ALG9: variants seen among roughly 807,000 people sequenced by gnomAD.
ALG9 encodes the protein alpha-1,2-mannosyltransferase ALG9.
ALG9 carries 55 observed loss-of-function variants against 81.8 expected under a neutral mutation model. The ratio of observed to expected loss-of-function variants is 0.67; its 90% CI spans 0.54 to 0.84. The LOEUF (loss-of-function observed/expected upper bound fraction) is 0.84. Among genes scored for constraint, ALG9 ranks in the 40% least tolerant of loss-of-function variants. The pLI, the probability that ALG9 is intolerant of heterozygous loss-of-function variation, is 0.00. For synonymous variants in ALG9, 278 were observed against 274.3 expected (o/e 1.01, Z -0.13); for missense variants, 629 against 745.0 (o/e 0.84, Z 1.81).
chr11:111,870,344 A>ACTTGTCC lies in ALG9; in HGVS notation c.151_157dup (p.Val53GlyfsTer7). The ACTTGTCC allele has an allele frequency of 6.3e-7, 1 of 1,579,886 alleles. No homozygotes were observed. Among genetic ancestry groups the ACTTGTCC allele is most frequent in the South Asian group, 1.1e-5 (1 of 88,316 alleles). ...AGCAGTAGATCCTTCAGGTGCCCAGACTTGTCCTGCTTTGTTCCCAGATAA... is the reference window on the plus strand; with the variant it reads ...AGCAGTAGATCCTTCAGGTGCCCAGACTTGTCCCTTGTCCTGCTTTGTTCCCAGATAA... On this transcript the variant is annotated frameshift_variant, in exon 2 of 15. Coordinates refer to ENST00000616540, the MANE Select transcript of ALG9 (RefSeq NM_024740.2). LOFTEE classifies it high-confidence loss of function.
Position 111,786,273 on chromosome 11 carries a change from A to G in ALG9, c.*124T>C. The stretch of plus-strand genomic sequence containing the variant: ...AGACTTTGACTAGCCCAGAGCACCC[A>G]GATTCCAGTATTCATGTCAGAAGAC... On this transcript the variant is annotated 3_prime_UTR_variant, in exon 15 of 15. Transcript: ENST00000616540. 1 of 1,465,192 alleles carries G rather than the reference A, an allele frequency of 6.8e-7. No individual in the cohort carries two copies. Among genetic ancestry groups the G allele is most frequent in the Non-Finnish European group, 9.5e-7 (1 of 1,048,794 alleles). 90.8% of individuals were successfully genotyped at this position (1,465,192 alleles called of 1,614,324 possible).
intron 8 of ALG9, among the ~76,000 whole-genome samples, chr11:111,846,536 A>G (rs1956976280): frequency 6.6e-6 from 1 of 152,224 alleles, no homozygotes; most frequent in Admixed American, 6.5e-5. Context: ...CAAAAGTATT[A>G]AGCTGGTAAA....
chr11:111,768,533 G>A, the ALG9 span: 1 of 152,104 alleles, frequency 6.6e-6, no homozygotes, highest in African/African-American at 2.4e-5. Context: ...GCTGAGGTGG[G>A]AGGATCACTT....
intron 3 of ALG9, 57 bp from the exon 4 acceptor site, chr11:111,865,308 A>C: frequency 1.1e-5 from 15 of 1,327,272 alleles, no homozygotes; most frequent in African/African-American, 1.5e-5. Context: ...AGAAAAACTC[A>C]TAAACATGAA....
In ALG9 at chr11:111,803,110, T is replaced by C. The variant is rs540547687; in HGVS notation, c.1733+6533A>G. Among the ~76,000 whole-genome samples, 9 of 152,256 alleles carry C rather than the reference T, an allele frequency of 5.9e-5. No individual in the cohort carries two copies. In the East Asian group the frequency reaches 1.7e-3, roughly 29 times the overall value. Reference sequence around the variant, plus strand: ...ATCTATAGATTAAATAAAATCTCAATCAAAATCCCAGCAAGTTATTTTGTG... The same window carrying C: ...ATCTATAGATTAAATAAAATCTCAACCAAAATCCCAGCAAGTTATTTTGTG... On this transcript the variant is annotated intron_variant, in intron 14 of 14. Transcript: ENST00000616540.
At chr11:111,789,809 G>C (rs1175509329) in intron 14 of ALG9, among the ~76,000 whole-genome samples, 2 of 150,154 alleles carry the variant, frequency 1.3e-5, no homozygotes, top group African/African-American at 4.9e-5. Flanking sequence ...GACAGAGGGA[G>C]ACTCTGTCTC....
chr11:111,837,509 T>C lies in ALG9; in HGVS notation c.1431A>G (p.Lys477=), dbSNP rs782648996. The C allele has an allele frequency of 1.2e-6, 2 of 1,614,148 alleles. No individual in the cohort carries two copies. Among genetic ancestry groups the C allele is most frequent in the Admixed American group, 3.3e-5 (2 of 60,022 alleles). The change falls in exon 12 of 15, where the codon AAA becomes AAG. Residue 477 remains lysine, a synonymous_variant. Transcript: ENST00000616540. The part of the protein sequence containing the change: ...EGRPVNVCVG[K]EWYRFPSSFL... The stretch of plus-strand genomic sequence containing the variant: ...AGCTGCTGGGAAATCGATACCACTC[T>C]TTTCCCACACAGACATTCACAGGTC...
intron 13 of ALG9, among the ~76,000 whole-genome samples, chr11:111,833,702 A>G (rs1555114934): frequency 6.6e-6 from 1 of 152,234 alleles, no homozygotes; most frequent in African/African-American, 2.4e-5. Flanking sequence ...GGCTGGACAC[A>G]GCTGCTACCC....
At chr11:111,809,080 CA>C (rs1198345823) in intron 14 of ALG9, among the ~76,000 whole-genome samples, 4 of 152,280 alleles carry the variant, frequency 2.6e-5, no homozygotes, top group African/African-American at 7.2e-5. Context: ...AGTTGGTTGC[CA>C]AAAATAATCA....
At chr11:111,823,112 A>T (rs1217872065) in intron 13 of ALG9, among the ~76,000 whole-genome samples, 1 of 152,212 alleles carries the variant, frequency 6.6e-6, no homozygotes, top group Non-Finnish European at 1.5e-5. Flanking sequence ...TTTCATTTGC[A>T]TCAGGAAATG....
chr11:111,793,043 G>T (rs984826296), intron 14 of ALG9, among the ~76,000 whole-genome samples: 1 of 152,178 alleles, frequency 6.6e-6, no homozygotes, highest in Non-Finnish European at 1.5e-5. Context: ...GAGTGTAGTA[G>T]TGTGATCCCA....
At chr11:111,857,875 T>C (rs1333177513) in intron 5 of ALG9, 138 bp from the exon 6 acceptor site, 3 of 957,086 alleles carry the variant, frequency 3.1e-6, no homozygotes, top group South Asian at 1.4e-5. Flanking sequence ...AATGCTATAT[T>C]AGAAAGGACA....
In ALG9 at chr11:111,870,383, A is replaced by C. The variant is rs72994380; in HGVS notation, c.132-13T>G. 0.14 allele frequency: 57,806 copies of C among 405,516 alleles called. 695 individuals carry two copies. Among genetic ancestry groups the C allele is most frequent in the South Asian group, 0.18 (3,580 of 19,420 alleles). 25.1% of individuals were successfully genotyped at this position (405,516 alleles called of 1,614,324 possible). On this transcript the variant is annotated splice_polypyrimidine_tract_variant and intron_variant, in intron 1 of 14. Transcript: ENST00000616540. ...GTTCCCAGATAACCTGTTCAAAAGCAAAAAAAAAAAAAAAAAAAAAAGCAT... is the reference window on the plus strand; with the variant it reads ...GTTCCCAGATAACCTGTTCAAAAGCCAAAAAAAAAAAAAAAAAAAAAGCAT...
At chr11:111,813,937 A>G (rs1951100415) in intron 13 of ALG9, among the ~76,000 whole-genome samples, 1 of 152,248 alleles carries the variant, frequency 6.6e-6, no homozygotes, top group Admixed American at 6.5e-5. Context: ...CCTATGATCT[A>G]ACAATTCTAC....
In ALG9 at chr11:111,785,921, A is replaced by G. The variant is rs1946410991; in HGVS notation, c.*476T>C. 2.5e-6 allele frequency: 1 copy of G among 399,868 alleles called. No individual in the cohort carries two copies. The highest frequency in any genetic ancestry group is 4.9e-6 in the Non-Finnish European group (1 of 203,070). The allele number at this position is 399,868 out of a possible 1,614,324, so 24.8% of individuals were successfully genotyped here. A position where few individuals can be genotyped will look rare whatever the true frequency, so the allele number is the denominator to read the frequency against. ...TGTTCATTTTCAGCATGAGGATTTCAATAAGAAGGTCTGCTAGGAGCTGCC... is the reference window on the plus strand; with the variant it reads ...TGTTCATTTTCAGCATGAGGATTTCGATAAGAAGGTCTGCTAGGAGCTGCC... On this transcript the variant is annotated 3_prime_UTR_variant, in exon 15 of 15. Transcript: ENST00000616540.
At chr11:111,822,623 G>C (rs1565865607) in intron 13 of ALG9, among the ~76,000 whole-genome samples, 1 of 151,974 alleles carries the variant, frequency 6.6e-6, no homozygotes, top group African/African-American at 2.4e-5. Flanking sequence ...CGAGGTGGGA[G>C]AATCACCTGA....
the ALG9 span, among the ~76,000 whole-genome samples, chr11:111,775,523 T>C: frequency 6.6e-6 from 1 of 152,160 alleles, no homozygotes; most frequent in African/African-American, 2.4e-5. Flanking sequence ...AAACACTTCA[T>C]GTACCAGCTG....
intron 14 of ALG9, among the ~76,000 whole-genome samples, chr11:111,796,782 T>C (rs782787262): frequency 6.6e-6 from 1 of 152,174 alleles, no homozygotes; most frequent in Non-Finnish European, 1.5e-5. Context: ...CTCAGTATTC[T>C]TGGCATCGCT....
chr11:111,772,417 A>G, the ALG9 span, among the ~76,000 whole-genome samples: 1 of 152,192 alleles, frequency 6.6e-6, no homozygotes, highest in Non-Finnish European at 1.5e-5. Flanking sequence ...TATAGCAAGA[A>G]AAAAGAAAAA....
Sources: allele counts gnomAD v4.1 joint callset (sites outside exome capture counted in the v4.1 genomes callset), GRCh38; gene constraint gnomAD v4.1.1; transcripts MANE v1.5; gene names NCBI Gene and HGNC (gene_info 2026-07-23, HGNC 2026-07-21).